PTPN2: variants seen among roughly 807,000 people sequenced by gnomAD.
PTPN2 encodes the protein protein tyrosine phosphatase non-receptor type 2.
A neutral mutation model predicts 57.3 loss-of-function variants in PTPN2; 19 were observed. The ratio of observed to expected loss-of-function variants is 0.33; its 90% CI spans 0.23 to 0.49. PTPN2 has a LOEUF of 0.49. Ranked by LOEUF, PTPN2 falls within the 20% of genes least tolerant of loss-of-function variation. The pLI is 0.99. For synonymous variants in PTPN2, 153 were observed against 164.9 expected (o/e 0.93, Z 0.55); for missense variants, 358 against 501.1 (o/e 0.71, Z 2.73).
chr18:12,798,304 T>C (rs1384164936), intron 8 of PTPN2, among the ~76,000 whole-genome samples: 1 of 152,178 alleles, frequency 6.6e-6, no homozygotes, highest in Non-Finnish European at 1.5e-5. Flanking sequence ...GAAACTTGTG[T>C]CATCTCCGTG....
At chr18:12,795,618 G>A (rs564000781) in intron 8 of PTPN2, among the ~76,000 whole-genome samples, 1 of 152,234 alleles carries the variant, frequency 6.6e-6, no homozygotes, top group African/African-American at 2.4e-5. Context: ...TTCAGTGGAA[G>A]GTCTCTGACT....
rs775423545 is a variant in PTPN2 at position 12,817,398 on chromosome 18, C to T, written c.496-33G>A. On this transcript the variant is annotated intron_variant, in intron 5 of 8. Transcript: ENST00000309660. Reference sequence around the variant, plus strand: ...GTGAAAATCAAGGGAGAAGTTAGTTCTAACTTTTTTCTTTTAAAAAACTAC... The same window carrying T: ...GTGAAAATCAAGGGAGAAGTTAGTTTTAACTTTTTTCTTTTAAAAAACTAC... The T allele has an allele frequency of 1.9e-5, 30 of 1,551,778 alleles. No individual in the cohort carries two copies. The South Asian group carries it at 3.2e-4, about 17-fold the overall frequency.
chr18:12,876,485 G>A (rs1293871073), intron 1 of PTPN2, among the ~76,000 whole-genome samples: 1 of 152,010 alleles, frequency 6.6e-6, no homozygotes, highest in Non-Finnish European at 1.5e-5. Context: ...AGAAGATTCT[G>A]GTTAAAATCA....
rs187508288 is a variant in PTPN2, at chr18:12,801,737, T to C, written c.1040+233A>G. 1,614 of 432,314 alleles carry C rather than the reference T, an allele frequency of 3.7e-3. 12 individuals are homozygous for C. Among genetic ancestry groups the C allele is most frequent in the Middle Eastern group, 0.013 (20 of 1,482 alleles). 26.8% of individuals were successfully genotyped at this position (432,314 alleles called of 1,614,324 possible). ...CTCGCATCACCACACCTGGCTAATT[T>C]TGTTTATTTTCTGTAGAGATAAGGT... On this transcript the variant is annotated intron_variant, in intron 8 of 8. Transcript: ENST00000309660.
downstream of PTPN2, among the ~76,000 whole-genome samples, chr18:12,788,432 C>CTTTTTTTTTTTTTTTTTTT (rs71174142): frequency 2.2e-5 from 2 of 90,110 alleles, 1 homozygote; most frequent in African/African-American, 9.3e-5. Context: ...GGGATCAGGG[C>CTTTTTTTTTTTTTTTTTTT]TTTTTTTTTT....
At chr18:12,865,972 A>G (rs908020094) in intron 1 of PTPN2, among the ~76,000 whole-genome samples, 4 of 152,224 alleles carry the variant, frequency 2.6e-5, no homozygotes, top group African/African-American at 9.6e-5. Context: ...AAACTTGGAC[A>G]CATATGTTCA....
rs71174144 is a variant in PTPN2, at chr18:12,807,600, T to TATATATAC, written c.859-5450_859-5449insGTATATAT. The stretch of plus-strand genomic sequence containing the variant: ...AAAAAAAAAAAAATATATATATATA[T>TATATATAC]ATATAATATAATACTATTTGGCCAT... On this transcript the variant is annotated intron_variant, in intron 7 of 8. Transcript: ENST00000309660. Among the ~76,000 whole-genome samples, 83 of 85,176 alleles carry TATATATAC rather than the reference T, an allele frequency of 9.7e-4. 3 individuals carry two copies. The highest frequency in any genetic ancestry group is 3.0e-3 in the South Asian group (5 of 1,642). The allele number at this position is 85,176 out of a possible 152,430, so 55.9% of individuals were successfully genotyped here. A position where few individuals can be genotyped will look rare whatever the true frequency, so the allele number is the denominator to read the frequency against.
chr18:12,876,448 G>A (rs1203268750), intron 1 of PTPN2, among the ~76,000 whole-genome samples: 3 of 151,938 alleles, frequency 2.0e-5, no homozygotes, highest in Non-Finnish European at 2.9e-5. Flanking sequence ...CCTGGGTGAC[G>A]GAATGAGACC....
chr18:12,788,857 T>C (rs568529838), downstream of PTPN2, among the ~76,000 whole-genome samples: 4 of 152,260 alleles, frequency 2.6e-5, no homozygotes, highest in East Asian at 7.7e-4. Flanking sequence ...TGGAGCAATC[T>C]GAATGTGCTA....
At chr18:12,815,312 T>G (rs749421955) in intron 6 of PTPN2, among the ~76,000 whole-genome samples, 27 of 151,798 alleles carry the variant, frequency 1.8e-4, no homozygotes, top group Non-Finnish European at 3.4e-4. Context: ...CTCGGGAGGC[T>G]GAGGCAGGAG....
chr18:12,805,542 C>T (rs1454559133), intron 7 of PTPN2, among the ~76,000 whole-genome samples: 1 of 151,836 alleles, frequency 6.6e-6, no homozygotes, highest in African/African-American at 2.4e-5. Flanking sequence ...AACACAAAGC[C>T]ACGTTATGAC....
intron 1 of PTPN2, among the ~76,000 whole-genome samples, chr18:12,881,156 C>T (rs558508380): frequency 3.9e-4 from 59 of 152,228 alleles, no homozygotes; most frequent in African/African-American, 1.4e-3. Context: ...TATGATCAGC[C>T]CAGAGCAGTG....
intron 7 of PTPN2, among the ~76,000 whole-genome samples, chr18:12,808,751 T>C (rs899381963): frequency 2.0e-5 from 3 of 152,190 alleles, no homozygotes; most frequent in Admixed American, 6.5e-5. Flanking sequence ...ACTGCACTCC[T>C]GGGCGACAGA....
chr18:12,859,252 T>C lies in PTPN2; in HGVS notation c.72A>G (p.Glu24=). Residue 24 remains glutamate (E), a splice_region_variant and synonymous_variant, in exon 2 of 9, where the codon GAA becomes GAG. Transcript: ENST00000309660. The part of the protein sequence containing the change: ...TQRRWQPLYL[E]IRNESHDYPH... Reference sequence around the variant, plus strand: ...GATAGTCATGGGACTCATTTCGAATTTCCTTAAAATAACAAAAATATATTT... The same window carrying C: ...GATAGTCATGGGACTCATTTCGAATCTCCTTAAAATAACAAAAATATATTT... 6.2e-7 allele frequency: 1 copy of C among 1,602,788 alleles called. No individual in the cohort carries two copies. Among genetic ancestry groups the C allele is most frequent in the Non-Finnish European group, 8.5e-7 (1 of 1,172,556 alleles).
intron 2 of PTPN2, among the ~76,000 whole-genome samples, chr18:12,846,511 G>A (rs987873784): frequency 6.6e-6 from 1 of 152,098 alleles, no homozygotes; most frequent in Admixed American, 6.5e-5. Context: ...CCCAGGTTTG[G>A]CCAGTGGACT....
intron 1 of PTPN2, chr18:12,862,331 G>C (rs2043840793): frequency 6.6e-6 from 1 of 151,980 alleles, no homozygotes; most frequent in Non-Finnish European, 1.5e-5. Flanking sequence ...GCTAATTTTT[G>C]TATTTCTAGT....
intron 4 of PTPN2, among the ~76,000 whole-genome samples, chr18:12,830,675 T>C (rs1409986045): frequency 6.6e-6 from 1 of 152,190 alleles, no homozygotes; most frequent in South Asian, 2.1e-4. Flanking sequence ...TAAGGATTCC[T>C]AGGGATTCCA....
At chr18:12,840,788 C>G in intron 2 of PTPN2, 1 of 1,598,436 alleles carries the variant, frequency 6.3e-7, no homozygotes, top group Non-Finnish European at 8.5e-7. Flanking sequence ...TCCATACATC[C>G]TAAATTCTTG....
chr18:12,791,051 A>C (rs1056336036), downstream of PTPN2, among the ~76,000 whole-genome samples: 4 of 152,240 alleles, frequency 2.6e-5, no homozygotes, highest in African/African-American at 9.6e-5. Context: ...AATGCAGAAA[A>C]TGGGTATTTT....
Sources: gnomAD v4.1 joint callset for allele counts (sites outside exome capture counted in the v4.1 genomes callset) on GRCh38, gnomAD v4.1.1 for gene constraint, MANE v1.5 for transcripts, NCBI Gene and HGNC (gene_info 2026-07-23, HGNC 2026-07-21) for gene names.